SPAST: variants seen among roughly 807,000 people sequenced by gnomAD.
SPAST encodes spastin.
Under a neutral mutation model 76.6 loss-of-function variants are expected in SPAST, and 30 were observed. That is an observed-to-expected ratio of 0.39 (90% CI 0.29 to 0.53). The LOEUF (loss-of-function observed/expected upper bound fraction) is 0.53. Ranked by LOEUF, SPAST falls within the 20% of genes least tolerant of loss-of-function variation. SPAST has a pLI of 0.68. For missense variants in SPAST, 717 were observed against 770.5 expected (o/e 0.93, Z 0.82); for synonymous variants, 305 against 281.0 (o/e 1.09, Z -0.86).
At position 32,156,649 on chromosome 2, in the gene SPAST, T is replaced by C. The variant is rs1030285560; in HGVS notation, c.*2153T>C. ...GTTAAGCTCATAAAATTTCATTGTT[T>C]TCATTTAAAAGATTAACGTTATTGA... On this transcript the variant is annotated 3_prime_UTR_variant, in exon 17 of 17. Coordinates refer to ENST00000315285, the MANE Select transcript of SPAST (RefSeq NM_014946.4). 3 of 7,180 alleles carry C rather than the reference T, an allele frequency of 4.2e-4. No homozygotes were observed. Among genetic ancestry groups the C allele is most frequent in the Non-Finnish European group, 6.8e-4 (2 of 2,948 alleles). The allele number at this position is 7,180 out of a possible 1,614,324, so 0.4% of individuals were successfully genotyped here.
chr2:32,105,201 T>A (rs189672666), intron 4 of SPAST, among the ~76,000 whole-genome samples: 187 of 152,300 alleles, frequency 1.2e-3, no homozygotes, highest in African/African-American at 4.4e-3. Flanking sequence ...TTTCATTCAT[T>A]TGATCTTCAA....
At chr2:32,105,251 T>C (rs1471383358) in intron 4 of SPAST, among the ~76,000 whole-genome samples, 1 of 152,218 alleles carries the variant, frequency 6.6e-6, no homozygotes, top group Admixed American at 6.5e-5. Flanking sequence ...AATCGGCTAC[T>C]GAAGCTCATG....
At chr2:32,145,082 T>C in intron 15 of SPAST, 75 bp downstream of exon 15, 1 of 1,118,802 alleles carries the variant, frequency 8.9e-7, no homozygotes. Flanking sequence ...TCCAAAAAAA[T>C]CTACCAAGAG....
intron 1 of SPAST, among the ~76,000 whole-genome samples, chr2:32,082,439 G>A (rs1259988952): frequency 6.6e-6 from 1 of 151,924 alleles, no homozygotes; most frequent in African/African-American, 2.4e-5. Flanking sequence ...CTCAATGCCT[G>A]TTATCCCAGC....
chr2:32,135,952 C>T (rs1229011815), intron 9 of SPAST, among the ~76,000 whole-genome samples: 1 of 152,020 alleles, frequency 6.6e-6, no homozygotes, highest in Non-Finnish European at 1.5e-5. Flanking sequence ...GTGGTGGGCG[C>T]CTGTAATCCC....
chr2:32,080,812 T>TG (rs869250876), intron 1 of SPAST, among the ~76,000 whole-genome samples: 22 of 140,842 alleles, frequency 1.6e-4, no homozygotes, highest in African/African-American at 5.0e-4. Context: ...TTTTTTTTTT[T>TG]GAGATGGAGT....
At chr2:32,083,033 G>A (rs12620922) in intron 1 of SPAST, among the ~76,000 whole-genome samples, 63,694 of 151,422 alleles carry the variant, frequency 0.42, 13,692 homozygotes, top group East Asian at 0.64. Flanking sequence ...GTGCAGTGGC[G>A]CAATCACAGC....
chr2:32,079,556 C>G (rs543965873), intron 1 of SPAST, among the ~76,000 whole-genome samples: 1 of 151,812 alleles, frequency 6.6e-6, no homozygotes, highest in East Asian at 1.9e-4. Flanking sequence ...ACCCGCCACC[C>G]CACCCCTGCT....
At chr2:32,064,524 G>T (rs893416691) in intron 1 of SPAST, among the ~76,000 whole-genome samples, 7 of 152,204 alleles carry the variant, frequency 4.6e-5, no homozygotes, top group African/African-American at 1.7e-4. Flanking sequence ...ACACCCAGAC[G>T]TGTTGATGAC....
intron 1 of SPAST, among the ~76,000 whole-genome samples, chr2:32,065,847 AAG>A (rs1676488035): frequency 6.6e-6 from 1 of 152,206 alleles, no homozygotes; most frequent in Admixed American, 6.5e-5. Flanking sequence ...GATATAAGGA[AAG>A]AGGCAGTTAT....
chr2:32,148,628 TGA>T (rs1309856664), intron 16 of SPAST, among the ~76,000 whole-genome samples: 1 of 151,972 alleles, frequency 6.6e-6, no homozygotes, highest in African/African-American at 2.4e-5. Context: ...GCTAACATGG[TGA>T]AACCCTGTCT....
intron 15 of SPAST, among the ~76,000 whole-genome samples, 173 bp downstream of exon 15, chr2:32,145,180 C>T (rs1679847672): frequency 6.6e-6 from 1 of 152,070 alleles, no homozygotes; most frequent in South Asian, 2.1e-4. Flanking sequence ...CAGCCTCGAA[C>T]CCCCCAGGCT....
At chr2:32,087,269 A>G (rs1677520916) in intron 1 of SPAST, among the ~76,000 whole-genome samples, 1 of 152,202 alleles carries the variant, frequency 6.6e-6, no homozygotes, top group Non-Finnish European at 1.5e-5. Flanking sequence ...GATAAGCAAA[A>G]TAGGACTCAC....
rs1680267164 is a variant in SPAST, at chr2:32,156,753, T to C, written c.*2257T>C. The C allele has an allele frequency of 6.6e-6, 1 of 152,218 alleles. No individual in the cohort carries two copies. The highest frequency in any genetic ancestry group is 2.4e-5 in the African/African-American group (1 of 41,460). The allele number at this position is 152,218 out of a possible 1,614,324, so 9.4% of individuals were successfully genotyped here. A position where few individuals can be genotyped will look rare whatever the true frequency, so the allele number is the denominator to read the frequency against. On this transcript the variant is annotated 3_prime_UTR_variant, in exon 17 of 17. Coordinates refer to ENST00000315285, the MANE Select transcript of SPAST (RefSeq NM_014946.4). ...TTTAATATATTGTCTCCTTTAAAAC[T>C]ATCATGGTTATAATTCTATTGGGAA...
chr2:32,066,460 G>C (rs547063158), intron 1 of SPAST, among the ~76,000 whole-genome samples: 29 of 152,072 alleles, frequency 1.9e-4, no homozygotes, highest in Admixed American at 7.9e-4. Flanking sequence ...ATGAGGTCAA[G>C]AGTTTGAGAC....
intron 3 of SPAST, among the ~76,000 whole-genome samples, chr2:32,096,939 T>C (rs551197632): frequency 6.6e-6 from 1 of 151,876 alleles, no homozygotes; most frequent in African/African-American, 2.4e-5. Flanking sequence ...ACAAAAGCCA[T>C]GCAGTACTTT....
intron 7 of SPAST, among the ~76,000 whole-genome samples, chr2:32,116,618 C>T (rs1316306409): frequency 5.9e-5 from 9 of 152,130 alleles, no homozygotes; most frequent in Non-Finnish European, 1.3e-4. Context: ...AGGCATGTGC[C>T]ACTATGCCCA....
At chr2:32,145,356 C>G (rs1679852559) in intron 15 of SPAST, among the ~76,000 whole-genome samples, 1 of 152,162 alleles carries the variant, frequency 6.6e-6, no homozygotes, top group Non-Finnish European at 1.5e-5. Flanking sequence ...CTTGGCCTCC[C>G]AAAGTGCTGG....
chr2:32,097,525 A>T (rs1405335860), intron 3 of SPAST, among the ~76,000 whole-genome samples: 1 of 152,028 alleles, frequency 6.6e-6, no homozygotes, highest in African/African-American at 2.4e-5. Context: ...TATTGTATAT[A>T]TATACAGTTA....
Sources: allele counts gnomAD v4.1 joint callset (sites outside exome capture counted in the v4.1 genomes callset), GRCh38; gene constraint gnomAD v4.1.1; transcripts MANE v1.5; gene names NCBI Gene and HGNC (gene_info 2026-07-23, HGNC 2026-07-21).